LRP1B: variants seen among roughly 807,000 people sequenced by gnomAD.
LRP1B encodes LDL receptor related protein 1B, also known as low-density lipoprotein receptor-related protein 1B.
LRP1B carries 217 observed loss-of-function variants against 556.6 expected under a neutral mutation model. The observed-to-expected ratio is 0.39, with a 90% CI of 0.35 to 0.44. The LOEUF is 0.44. LRP1B is among the 20% of genes least tolerant of loss of function. LRP1B has a pLI of 1.00. For missense variants in LRP1B, 5,053 were observed against 5,620.8 expected (o/e 0.90, Z 3.23); for synonymous variants, 2,047 against 1,865.8 (o/e 1.10, Z -2.50).
At chr2:141,482,720 T>C (rs927771572) in intron 2 of LRP1B, among the ~76,000 whole-genome samples, 1 of 151,998 alleles carries the variant, frequency 6.6e-6, no homozygotes, top group Non-Finnish European at 1.5e-5. Context: ...CATCATAAAG[T>C]AGCTTTTTAA....
chr2:140,345,759 CATATAT>C (rs1292139993), intron 77 of LRP1B, among the ~76,000 whole-genome samples: 18 of 117,712 alleles, frequency 1.5e-4, no homozygotes, highest in African/African-American at 5.3e-4. Context: ...CACATATATA[CATATAT>C]ACACATATAT....
chr2:141,119,040 A>G (rs968784087), intron 7 of LRP1B, among the ~76,000 whole-genome samples: 6 of 151,950 alleles, frequency 3.9e-5, no homozygotes, highest in Admixed American at 2.6e-4. Context: ...ATTTGCACTA[A>G]TCAGCTGGAG....
At chr2:141,552,473 T>C (rs1685789796) in intron 2 of LRP1B, among the ~76,000 whole-genome samples, 1 of 152,006 alleles carries the variant, frequency 6.6e-6, no homozygotes, top group African/African-American at 2.4e-5. Flanking sequence ...AGTAAAATTA[T>C]AGTAGATATG....
chr2:141,812,090 A>G (rs1244390556), intron 1 of LRP1B, among the ~76,000 whole-genome samples: 1 of 152,138 alleles, frequency 6.6e-6, no homozygotes, highest in East Asian at 1.9e-4. Context: ...TTCAGGTTAT[A>G]AGACCTGGGT....
intron 89 of LRP1B, among the ~76,000 whole-genome samples, chr2:140,237,654 A>G (rs931297789): frequency 2.7e-5 from 4 of 150,646 alleles, no homozygotes; most frequent in Non-Finnish European, 6.0e-5. Context: ...GTCTCACCAA[A>G]CTACTTTTCA....
rs754401687 is a variant in LRP1B, at chr2:140,322,138, G to A, written c.12515-50C>T. On this transcript the variant is annotated intron_variant, in intron 81 of 90. Coordinates refer to ENST00000389484, the MANE Select transcript of LRP1B (RefSeq NM_018557.3). ...AAGTGTGTAAATATAGATACAATAG[G>A]CTTCAAAAGCATAAAATTAAATAAG... 33 of 1,526,962 alleles carry A rather than the reference G, an allele frequency of 2.2e-5. No homozygotes were observed. In the Admixed American group the frequency reaches 6.9e-4, roughly 32 times the overall value. 94.6% of individuals were successfully genotyped at this position (1,526,962 alleles called of 1,614,324 possible).
rs138841326 is a variant in LRP1B at position 142,023,380 on chromosome 2, A to C, written c.82+107268T>G. On this transcript the variant is annotated intron_variant, in intron 1 of 90. Transcript: ENST00000389484. ...AGTGAGGATAACCCAGCTGTCTGGC[A>C]TGAATTTGGAGGGTTCAAGTTCATA... Among the ~76,000 whole-genome samples, 764 of 152,284 alleles carry C rather than the reference A, an allele frequency of 5.0e-3. 6 individuals are homozygous for C. The highest frequency in any genetic ancestry group is 0.017 in the African/African-American group (717 of 41,556).
chr2:140,263,104 G>A (rs78276803), intron 86 of LRP1B, among the ~76,000 whole-genome samples: 4,605 of 151,970 alleles, frequency 0.03, 114 homozygotes, highest in East Asian at 0.13. Flanking sequence ...TGGTAGAGAT[G>A]GACCAACTTT....
At chr2:140,683,884 G>A in intron 41 of LRP1B, 3 of 550,306 alleles carry the variant, frequency 5.5e-6, no homozygotes, top group Non-Finnish European at 6.6e-6. Flanking sequence ...GGCCCTGGCA[G>A]ACTGAGGGGT....
intron 12 of LRP1B, among the ~76,000 whole-genome samples, chr2:141,019,110 A>G: frequency 6.6e-6 from 1 of 152,264 alleles, no homozygotes; most frequent in South Asian, 2.1e-4. Flanking sequence ...ATAAAATACT[A>G]TGAAAATTTC....
At chr2:140,311,922 T>G (rs1684322491) in intron 83 of LRP1B, among the ~76,000 whole-genome samples, 1 of 151,866 alleles carries the variant, frequency 6.6e-6, no homozygotes. Flanking sequence ...ACTACATATG[T>G]TTTGTCATTA....
intron 86 of LRP1B, among the ~76,000 whole-genome samples, chr2:140,250,813 G>A (rs1681378329): frequency 6.6e-6 from 1 of 151,458 alleles, no homozygotes. Context: ...AGAAATATTC[G>A]AGATACATTG....
At chr2:141,646,395 A>T (rs908091566) in intron 2 of LRP1B, among the ~76,000 whole-genome samples, 6 of 152,162 alleles carry the variant, frequency 3.9e-5, no homozygotes, top group African/African-American at 1.4e-4. Flanking sequence ...GTAATGTTTC[A>T]TCTCGAATTT....
rs146049065 is a variant in LRP1B at position 141,157,072 on chromosome 2, T to G, written c.1013+31349A>C. Among the ~76,000 whole-genome samples, 920 of 152,250 alleles carry G rather than the reference T, an allele frequency of 6.0e-3. 11 individuals carry two copies. The highest frequency in any genetic ancestry group is 0.02 in the African/African-American group (841 of 41,560). The stretch of plus-strand genomic sequence containing the variant: ...ATTGGATAGGTTATTGTATTATGTA[T>G]CTATTAAAAAAACGAAGATGTTTTA... On this transcript the variant is annotated intron_variant, in intron 7 of 90. Coordinates refer to ENST00000389484, the MANE Select transcript of LRP1B (RefSeq NM_018557.3).
At chr2:141,537,964 C>G (rs989406258) in intron 2 of LRP1B, among the ~76,000 whole-genome samples, 1 of 152,156 alleles carries the variant, frequency 6.6e-6, no homozygotes. Flanking sequence ...CCACAAAAAC[C>G]TGTAGGATAA....
intron 7 of LRP1B, among the ~76,000 whole-genome samples, chr2:141,069,762 C>G (rs1278729709): frequency 6.6e-6 from 1 of 152,024 alleles, no homozygotes; most frequent in African/African-American, 2.4e-5. Context: ...CCACCTCTGT[C>G]TTAGATAATA....
intron 43 of LRP1B, among the ~76,000 whole-genome samples, chr2:140,562,098 A>G (rs1680951644): frequency 6.6e-6 from 1 of 152,136 alleles, no homozygotes; most frequent in Admixed American, 6.5e-5. Context: ...GATAAAGAAT[A>G]TCAATGGACA....
At chr2:140,624,058 A>G (rs1683563403) in intron 41 of LRP1B, among the ~76,000 whole-genome samples, 1 of 150,810 alleles carries the variant, frequency 6.6e-6, no homozygotes, top group Non-Finnish European at 1.5e-5. Flanking sequence ...ATGGTTTAAA[A>G]GCTAAATAAT....
intron 66 of LRP1B, among the ~76,000 whole-genome samples, chr2:140,430,704 C>T (rs749604153): frequency 6.6e-6 from 1 of 152,206 alleles, no homozygotes; most frequent in Non-Finnish European, 1.5e-5. Flanking sequence ...CCATTCTATT[C>T]TGTCTTCATT....
Sources: gnomAD v4.1 joint callset for allele counts (sites outside exome capture counted in the v4.1 genomes callset) on GRCh38, gnomAD v4.1.1 for gene constraint, MANE v1.5 for transcripts, NCBI Gene and HGNC (gene_info 2026-07-23, HGNC 2026-07-21) for gene names.